ZRANB1: variants seen among roughly 807,000 people sequenced by gnomAD.
ZRANB1 encodes the protein ubiquitin thioesterase ZRANB1.
ZRANB1 carries 16 observed loss-of-function variants against 80.5 expected under a neutral mutation model. That is an observed-to-expected ratio of 0.20 (90% CI 0.13 to 0.30). The LOEUF (loss-of-function observed/expected upper bound fraction) is 0.30, where lower values mean the gene tolerates loss of function less well. Ranked by LOEUF, ZRANB1 falls within the 10% of genes least tolerant of loss-of-function variation. The probability of loss-of-function intolerance (pLI) is 1.00; values close to 1 mark genes in which losing one functional copy is unlikely to be tolerated. For missense variants in ZRANB1, 576 were observed against 862.6 expected (o/e 0.67, Z 4.16); for synonymous variants, 291 against 293.1 (o/e 0.99, Z 0.07).
In ZRANB1 at chr10:124,986,279, A is replaced by G. The variant is rs1952034275; in HGVS notation, c.*1287A>G. On this transcript the variant is annotated 3_prime_UTR_variant, in exon 9 of 9. Transcript: ENST00000359653. Reference sequence around the variant, plus strand: ...AGGAATTTGGAAAGACGACACACGCACGCGCGCGCGCGCACACACACACAC... The same window carrying G: ...AGGAATTTGGAAAGACGACACACGCGCGCGCGCGCGCGCACACACACACAC... 1.8e-5 allele frequency: 2 copies of G among 112,214 alleles called. No homozygotes were observed. The highest frequency in any genetic ancestry group is 3.1e-4 in the South Asian group (1 of 3,272). 7.0% of individuals were successfully genotyped at this position (112,214 alleles called of 1,614,324 possible).
chr10:124,977,293 C>CT (rs1469862256), intron 5 of ZRANB1, among the ~76,000 whole-genome samples: 2 of 84,188 alleles, frequency 2.4e-5, no homozygotes, highest in Non-Finnish European at 5.1e-5. Context: ...TTTTTTTTTT[C>CT]TTTTTTTAAA....
At chr10:124,941,480 G>A (rs866699464), upstream of ZRANB1, among the ~76,000 whole-genome samples, 4 of 152,156 alleles carry the variant, frequency 2.6e-5, no homozygotes, top group African/African-American at 9.6e-5. Context: ...AGCCTCCTGA[G>A]TAGCTGGGAT....
the ZRANB1 span, among the ~76,000 whole-genome samples, chr10:124,926,831 CATT>C: frequency 2.0e-5 from 3 of 152,174 alleles, no homozygotes; most frequent in Non-Finnish European, 4.4e-5. Flanking sequence ...TGTGCCATGA[CATT>C]ATGGTGGCTT....
intron 1 of ZRANB1, among the ~76,000 whole-genome samples, chr10:124,954,821 A>G (rs1951675931): frequency 6.6e-6 from 1 of 151,460 alleles, no homozygotes; most frequent in Admixed American, 6.6e-5. Flanking sequence ...TCTTATTAAT[A>G]GTTTTGAACT....
chr10:124,935,781 G>GGT, the ZRANB1 span, among the ~76,000 whole-genome samples: 1 of 152,168 alleles, frequency 6.6e-6, no homozygotes, highest in South Asian at 2.1e-4. Context: ...CTAAACACAA[G>GGT]GTGCTGGTCT....
intron 5 of ZRANB1, among the ~76,000 whole-genome samples, chr10:124,979,749 T>C (rs1951916477): frequency 6.6e-6 from 1 of 152,258 alleles, no homozygotes; most frequent in South Asian, 2.1e-4. Context: ...GATACCCAGT[T>C]GTTTCGGTAC....
chr10:124,972,519 G>T (rs1037533927), intron 3 of ZRANB1, among the ~76,000 whole-genome samples: 1 of 152,178 alleles, frequency 6.6e-6, no homozygotes, highest in Admixed American at 6.5e-5. Context: ...TAAGAGATGG[G>T]ATTAGAACAT....
chr10:124,959,622 A>G (rs542348413), intron 1 of ZRANB1, among the ~76,000 whole-genome samples: 1 of 152,180 alleles, frequency 6.6e-6, no homozygotes, highest in South Asian at 2.1e-4. Flanking sequence ...GCATGCCAGC[A>G]CGCCTGGCTT....
intron 1 of ZRANB1, 21 bp from the exon 2 acceptor site, chr10:124,966,573 C>T: frequency 6.2e-7 from 1 of 1,601,286 alleles, no homozygotes; most frequent in Non-Finnish European, 8.5e-7. Context: ...AAATGCTTTT[C>T]TATCTTGATG....
At chr10:124,959,460 C>G (rs1170887389) in intron 1 of ZRANB1, among the ~76,000 whole-genome samples, 2 of 145,492 alleles carry the variant, frequency 1.4e-5, no homozygotes, top group Non-Finnish European at 3.0e-5. Context: ...CAGTGGTAAA[C>G]TTTTTTTTTT....
chr10:124,936,592 C>T, the ZRANB1 span, among the ~76,000 whole-genome samples: 4 of 152,284 alleles, frequency 2.6e-5, no homozygotes, highest in African/African-American at 7.2e-5. Context: ...TCGATCTTCA[C>T]GATCCTGGTC....
the ZRANB1 span, among the ~76,000 whole-genome samples, chr10:124,922,211 C>T: frequency 3.4e-5 from 5 of 145,738 alleles, no homozygotes; most frequent in African/African-American, 1.0e-4. Flanking sequence ...TCCCAAAGTG[C>T]TGGGATTATT....
At chr10:124,957,735 T>C (rs892844979) in intron 1 of ZRANB1, among the ~76,000 whole-genome samples, 4 of 152,116 alleles carry the variant, frequency 2.6e-5, no homozygotes, top group Non-Finnish European at 4.4e-5. Flanking sequence ...TCCTTCCTTT[T>C]TTTTTTTTCG....
the ZRANB1 span, among the ~76,000 whole-genome samples, chr10:124,922,123 T>G: frequency 6.6e-6 from 1 of 151,526 alleles, no homozygotes; most frequent in Non-Finnish European, 1.5e-5. Context: ...AAAAATTTTT[T>G]GTAGAGACAA....
chr10:124,978,878 G>A (rs542736836), intron 5 of ZRANB1, among the ~76,000 whole-genome samples: 24 of 145,450 alleles, frequency 1.7e-4, no homozygotes, highest in African/African-American at 5.9e-4. Context: ...CTCCCACCTC[G>A]GCCTCCTAAA....
chr10:124,920,167 C>T, the ZRANB1 span, among the ~76,000 whole-genome samples: 1 of 152,050 alleles, frequency 6.6e-6, no homozygotes, highest in African/African-American at 2.4e-5. Context: ...AGATGATCAT[C>T]TGCCTGCCTC....
chr10:124,966,849 G>T, intron 2 of ZRANB1, 68 bp downstream of exon 2: 4 of 1,412,826 alleles, frequency 2.8e-6, no homozygotes, highest in Middle Eastern at 2.2e-4. Flanking sequence ...TTTCATTTTT[G>T]ATTTTATAAT....
chr10:124,940,580 G>T, upstream of ZRANB1: 2 of 1,262,554 alleles, frequency 1.6e-6, no homozygotes, highest in Non-Finnish European at 2.1e-6. Flanking sequence ...CTATTAAGTA[G>T]TATACTTTCT....
chr10:124,972,533 C>A (rs1454577197), intron 3 of ZRANB1, among the ~76,000 whole-genome samples: 3 of 152,136 alleles, frequency 2.0e-5, no homozygotes, highest in Admixed American at 2.0e-4. Flanking sequence ...AGAACATGAG[C>A]TTTTGATGGG....
Sources: allele counts gnomAD v4.1 joint callset (sites outside exome capture counted in the v4.1 genomes callset), GRCh38; gene constraint gnomAD v4.1.1; transcripts MANE v1.5; gene names NCBI Gene and HGNC (gene_info 2026-07-23, HGNC 2026-07-21).